The following MECOM variants were observed in gnomAD, a reference collection of about 807,000 sequenced individuals.
MECOM encodes histone-lysine N-methyltransferase MECOM.
A neutral mutation model predicts 116.3 loss-of-function variants in MECOM; 13 were observed. The ratio of observed to expected loss-of-function variants is 0.11; its 90% CI spans 0.07 to 0.18. MECOM has a LOEUF of 0.18. MECOM is among the 10% of genes least tolerant of loss of function. MECOM has a pLI of 1.00. For synonymous variants in MECOM, 528 were observed against 535.2 expected (o/e 0.99, Z 0.19); for missense variants, 1,299 against 1,509.0 (o/e 0.86, Z 2.31).
intron 2 of MECOM, among the ~76,000 whole-genome samples, chr3:169,378,463 AAGC>A (rs1731604767): frequency 1.8e-5 from 1 of 56,070 alleles, no homozygotes; most frequent in Non-Finnish European, 3.1e-5. Flanking sequence ...GAAAGCAAGC[AAGC>A]AAGCAAGCAA....
intron 2 of MECOM, among the ~76,000 whole-genome samples, chr3:169,232,638 T>C (rs1332148140): frequency 8.8e-6 from 1 of 114,016 alleles, no homozygotes; most frequent in Non-Finnish European, 2.0e-5. Flanking sequence ...CAGTAACCAT[T>C]TGTAAAATAT....
intron 2 of MECOM, among the ~76,000 whole-genome samples, chr3:169,275,981 T>G (rs1408306022): frequency 6.6e-6 from 1 of 152,200 alleles, no homozygotes; most frequent in East Asian, 1.9e-4. Context: ...ATTTACTTCT[T>G]GTGGATTCTA....
rs771817728 is a variant in MECOM at position 169,115,384 on chromosome 3, T to C, written c.2488A>G (p.Arg830Gly). Residue 830 changes from arginine to glycine, a missense_variant and splice_region_variant, in exon 8 of 17, where the codon AGA becomes GGA. Arg to Gly is a moderately radical substitution (Grantham distance 125, BLOSUM62 -2). Coordinates refer to ENST00000651503, the MANE Select transcript of MECOM (RefSeq NM_004991.4). Reference protein sequence around the residue: ...PTPFFMDPIYRVEKRKLTDPL... With the variant: ...PTPFFMDPIYGVEKRKLTDPL... ...TCGTCATCTTCCATACACGCTTACCTGTAAATAGGGTCCATAAAGAAAGGA... is the reference window on the plus strand; with the variant it reads ...TCGTCATCTTCCATACACGCTTACCCGTAAATAGGGTCCATAAAGAAAGGA... 6.2e-7 allele frequency: 1 copy of C among 1,613,344 alleles called. No homozygotes were observed. The highest frequency in any genetic ancestry group is 1.1e-5 in the South Asian group (1 of 90,920).
At chr3:169,616,045 G>A (rs1273007350) in intron 1 of MECOM, among the ~76,000 whole-genome samples, 3 of 152,212 alleles carry the variant, frequency 2.0e-5, no homozygotes, top group Non-Finnish European at 1.5e-5. Context: ...GAAACTGGGA[G>A]TGGGAGGCAG....
intron 1 of MECOM, among the ~76,000 whole-genome samples, chr3:169,479,722 G>A (rs187279058): frequency 6.6e-6 from 1 of 150,550 alleles, no homozygotes; most frequent in African/African-American, 2.4e-5. Context: ...GACACATTTG[G>A]TGATATAACC....
chr3:169,387,068 A>G (rs1007846752), intron 1 of MECOM, among the ~76,000 whole-genome samples: 43 of 152,116 alleles, frequency 2.8e-4, no homozygotes, highest in African/African-American at 1.0e-3. Flanking sequence ...ACAATTTGCC[A>G]TTTGGTATTT....
At chr3:169,114,129 G>T (rs1335798724) in intron 8 of MECOM, among the ~76,000 whole-genome samples, 1 of 152,142 alleles carries the variant, frequency 6.6e-6, no homozygotes, top group African/African-American at 2.4e-5. Flanking sequence ...ACATCATTGA[G>T]TTGGAAATAC....
At chr3:169,388,153 GTGAGCACA>G (rs1733671430) in intron 1 of MECOM, among the ~76,000 whole-genome samples, 1 of 152,074 alleles carries the variant, frequency 6.6e-6, no homozygotes, top group African/African-American at 2.4e-5. Flanking sequence ...CTGGTAGGAC[GTGAGCACA>G]TGAGCACAAG....
At chr3:169,463,710 G>A (rs1403679127) in intron 1 of MECOM, among the ~76,000 whole-genome samples, 1 of 152,100 alleles carries the variant, frequency 6.6e-6, no homozygotes, top group Non-Finnish European at 1.5e-5. Flanking sequence ...CATGTATCAA[G>A]TTATACGTTT....
At chr3:169,594,154 C>CAAAAAAAAAAAAAAAA (rs34331048) in intron 1 of MECOM, among the ~76,000 whole-genome samples, 29 of 45,712 alleles carry the variant, frequency 6.3e-4, no homozygotes, top group African/African-American at 9.5e-4. Flanking sequence ...ACCACCACCA[C>CAAAAAAAAAAAAAAAA]AAAAAAAAAA....
intron 2 of MECOM, among the ~76,000 whole-genome samples, chr3:169,209,797 G>A (rs986204191): frequency 1.3e-5 from 2 of 152,106 alleles, no homozygotes; most frequent in East Asian, 3.9e-4. Context: ...ACAGTGTGGC[G>A]ATTCCTCAAG....
chr3:169,144,947 G>T, intron 2 of MECOM: 2 of 1,456,948 alleles, frequency 1.4e-6, no homozygotes, highest in Non-Finnish European at 9.5e-7. Flanking sequence ...AAGCAATTTT[G>T]CATAGAATTC....
intron 1 of MECOM, among the ~76,000 whole-genome samples, chr3:169,515,378 TTTATTG>T (rs1756500515): frequency 6.6e-6 from 1 of 152,250 alleles, no homozygotes; most frequent in Non-Finnish European, 1.5e-5. Context: ...GCAGTCATCA[TTTATTG>T]GTACAACGTA....
At chr3:169,203,390 G>A (rs1426702491) in intron 2 of MECOM, among the ~76,000 whole-genome samples, 3 of 151,976 alleles carry the variant, frequency 2.0e-5, no homozygotes, top group African/African-American at 7.3e-5. Context: ...TACTAGATGA[G>A]TAAACATGGA....
At chr3:169,498,215 T>C (rs1482386575) in intron 1 of MECOM, among the ~76,000 whole-genome samples, 5 of 152,342 alleles carry the variant, frequency 3.3e-5, no homozygotes, top group Middle Eastern at 3.4e-3. Context: ...AAAGAAGATT[T>C]AGTAAAAACA....
intron 1 of MECOM, chr3:169,476,816 A>C (rs2108825026): frequency 6.6e-6 from 1 of 151,454 alleles, no homozygotes; most frequent in East Asian, 1.9e-4. Flanking sequence ...TTGCAGGTTG[A>C]GTGGAAGAAG....
chr3:169,109,751 G>C (rs553453107), intron 9 of MECOM, among the ~76,000 whole-genome samples: 1 of 152,026 alleles, frequency 6.6e-6, no homozygotes, highest in African/African-American at 2.4e-5. Context: ...TTTAAAATAC[G>C]TATTATTCCA....
At chr3:169,583,997 A>G (rs1553891762) in intron 1 of MECOM, among the ~76,000 whole-genome samples, 1 of 152,162 alleles carries the variant, frequency 6.6e-6, no homozygotes, top group Non-Finnish European at 1.5e-5. Flanking sequence ...GTTTGTCACA[A>G]CTGGCCAAAT....
chr3:169,634,336 T>G (rs1772459527), intron 1 of MECOM, among the ~76,000 whole-genome samples: 1 of 152,160 alleles, frequency 6.6e-6, no homozygotes, highest in Non-Finnish European at 1.5e-5. Context: ...AGCCCTAATT[T>G]ACAGAGCTTT....
Sources: gnomAD v4.1 joint callset for allele counts (sites outside exome capture counted in the v4.1 genomes callset) on GRCh38, gnomAD v4.1.1 for gene constraint, MANE v1.5 for transcripts, NCBI Gene and HGNC (gene_info 2026-07-23, HGNC 2026-07-21) for gene names.